The following GALNTL6 variants were observed in gnomAD, a reference collection of about 807,000 sequenced individuals.
GALNTL6 encodes polypeptide N-acetylgalactosaminyltransferase like 6.
In GALNTL6, 46 loss-of-function variants were observed where a neutral mutation model predicts 73.7. The ratio of observed to expected loss-of-function variants is 0.62; its 90% CI spans 0.49 to 0.80. The LOEUF is 0.80. GALNTL6 is among the 30% of genes least tolerant of loss of function. The probability of loss-of-function intolerance (pLI) is 0.00; values close to 1 mark genes in which losing one functional copy is unlikely to be tolerated. For synonymous variants in GALNTL6, 259 were observed against 263.7 expected, an observed-to-expected ratio of 0.98 and a Z score of 0.17; for missense variants, 604 against 755.0, an observed-to-expected ratio of 0.80 and a Z score of 2.34.
chr4:171,825,487 C>A (rs1430950506), intron 2 of GALNTL6, among the ~76,000 whole-genome samples: 1 of 152,198 alleles, frequency 6.6e-6, no homozygotes, highest in African/African-American at 2.4e-5. Context: ...ATTGTCCCCC[C>A]TCTTAACTTA....
intron 3 of GALNTL6, among the ~76,000 whole-genome samples, chr4:172,270,516 G>A (rs1180155686): frequency 6.6e-6 from 1 of 152,110 alleles, no homozygotes; most frequent in Non-Finnish European, 1.5e-5. Flanking sequence ...GCTACAGACT[G>A]TACCATACAG....
chr4:172,795,427 A>T (rs922006135), intron 5 of GALNTL6, among the ~76,000 whole-genome samples: 2 of 152,224 alleles, frequency 1.3e-5, no homozygotes, highest in Admixed American at 1.3e-4. Context: ...GCTCTCTTTC[A>T]AAAAAGAACC....
chr4:173,025,417 C>T, intron 12 of GALNTL6, among the ~76,000 whole-genome samples: 1 of 152,198 alleles, frequency 6.6e-6, no homozygotes, highest in African/African-American at 2.4e-5. Flanking sequence ...TCATTGGTCA[C>T]TAAGACTTGT....
At chr4:172,406,454 A>G (rs1744241103) in intron 5 of GALNTL6, among the ~76,000 whole-genome samples, 1 of 152,070 alleles carries the variant, frequency 6.6e-6, no homozygotes, top group South Asian at 2.1e-4. Context: ...TGATGTTTGT[A>G]TATACAAACA....
chr4:172,415,586 G>A (rs1730798611), intron 5 of GALNTL6, among the ~76,000 whole-genome samples: 1 of 152,126 alleles, frequency 6.6e-6, no homozygotes, highest in East Asian at 1.9e-4. Flanking sequence ...TTTTGTCTTT[G>A]CCATGTAGCA....
At chr4:171,818,505 A>G (rs1217980253) in intron 2 of GALNTL6, among the ~76,000 whole-genome samples, 1 of 76,950 alleles carries the variant, frequency 1.3e-5, no homozygotes, top group Admixed American at 1.7e-4. Context: ...AAATCTTAGA[A>G]TTTTAAAACA....
At chr4:172,481,014 C>T (rs1416567039) in intron 5 of GALNTL6, among the ~76,000 whole-genome samples, 2 of 152,162 alleles carry the variant, frequency 1.3e-5, no homozygotes, top group African/African-American at 4.8e-5. Context: ...TTGGTGGGTT[C>T]TTGGTCTCAC....
intron 5 of GALNTL6, among the ~76,000 whole-genome samples, chr4:172,596,083 T>C (rs965272676): frequency 4.6e-5 from 7 of 152,218 alleles, no homozygotes; most frequent in Non-Finnish European, 8.8e-5. Flanking sequence ...CTTTTCTTTT[T>C]ACTAATTTAT....
intron 5 of GALNTL6, among the ~76,000 whole-genome samples, chr4:172,438,768 C>T (rs1204327255): frequency 6.6e-6 from 1 of 151,978 alleles, no homozygotes; most frequent in Non-Finnish European, 1.5e-5. Context: ...TTTCCTTCTC[C>T]TTTACCTCTA....
In GALNTL6 at chr4:172,718,750, G is replaced by C. The variant is rs75424126; in HGVS notation, c.554-90611G>C. Among the ~76,000 whole-genome samples the C allele has an allele frequency of 1.8e-4, 27 of 152,174 alleles. No individual in the cohort carries two copies. The East Asian group carries it at 4.4e-3, about 25-fold the overall frequency. On this transcript the variant is annotated intron_variant, in intron 5 of 12. Coordinates refer to ENST00000506823, the MANE Select transcript of GALNTL6 (RefSeq NM_001034845.3). ...TAGGCAGACCCTGAGTGTTCAAAAT[G>C]GTGCATCAGAATCAGAATCTCAGGA...
intron 7 of GALNTL6, among the ~76,000 whole-genome samples, chr4:172,853,151 G>C (rs1409827661): frequency 6.6e-6 from 1 of 152,174 alleles, no homozygotes; most frequent in East Asian, 1.9e-4. Flanking sequence ...CACAGGCCAA[G>C]GTTGTAGTCC....
At chr4:172,984,317 G>A (rs1291672959) in intron 10 of GALNTL6, among the ~76,000 whole-genome samples, 1 of 152,146 alleles carries the variant, frequency 6.6e-6, no homozygotes, top group Non-Finnish European at 1.5e-5. Flanking sequence ...GGCAGCAGGA[G>A]AGAGAATAAG....
chr4:172,699,240 A>G (rs1733882759), intron 5 of GALNTL6, among the ~76,000 whole-genome samples: 2 of 152,118 alleles, frequency 1.3e-5, no homozygotes, highest in Admixed American at 1.3e-4. Context: ...GGATTTCAAC[A>G]TATGAATTCA....
chr4:172,167,820 G>A lies in GALNTL6; in HGVS notation c.139-61836G>A, dbSNP rs944588210. 3.5e-4 allele frequency among the ~76,000 whole-genome samples: 51 copies of A among 147,568 alleles called. 1 individual carries two copies. The highest frequency in any genetic ancestry group is 1.0e-3 in the African/African-American group (40 of 39,378). ...AAAAATACAAAAAAATTAGCCGGGCGCGGTGGCGGGCGCCTGTAGTCCCAG... is the reference window on the plus strand; with the variant it reads ...AAAAATACAAAAAAATTAGCCGGGCACGGTGGCGGGCGCCTGTAGTCCCAG... On this transcript the variant is annotated intron_variant, in intron 2 of 12. Coordinates refer to ENST00000506823, the MANE Select transcript of GALNTL6 (RefSeq NM_001034845.3).
chr4:172,748,141 A>G (rs1234437646), intron 5 of GALNTL6, among the ~76,000 whole-genome samples: 2 of 152,238 alleles, frequency 1.3e-5, no homozygotes, highest in Non-Finnish European at 2.9e-5. Context: ...TGTGAACTAT[A>G]TATACATTTA....
At chr4:172,103,433 A>G (rs1732578585) in intron 2 of GALNTL6, among the ~76,000 whole-genome samples, 1 of 152,186 alleles carries the variant, frequency 6.6e-6, no homozygotes, top group South Asian at 2.1e-4. Flanking sequence ...TGTTATCTTA[A>G]TGGAACTATA....
intron 2 of GALNTL6, among the ~76,000 whole-genome samples, chr4:172,069,518 A>ATCTG: frequency 2.4e-5 from 1 of 42,356 alleles, no homozygotes; most frequent in East Asian, 3.6e-4. Flanking sequence ...CATATATGTT[A>ATCTG]TATGTATAAC....
intron 2 of GALNTL6, among the ~76,000 whole-genome samples, chr4:171,831,455 A>G (rs1392239811): frequency 6.6e-6 from 1 of 152,010 alleles, no homozygotes; most frequent in Non-Finnish European, 1.5e-5. Context: ...CATCAAGCAC[A>G]TTAATTATAT....
At chr4:172,993,973 T>A (rs1203161877) in intron 10 of GALNTL6, among the ~76,000 whole-genome samples, 1 of 152,086 alleles carries the variant, frequency 6.6e-6, no homozygotes, top group Non-Finnish European at 1.5e-5. Flanking sequence ...ACCCTTCATA[T>A]CACAGTCCGA....
Sources: gnomAD v4.1 joint callset for allele counts (sites outside exome capture counted in the v4.1 genomes callset) on GRCh38, gnomAD v4.1.1 for gene constraint, MANE v1.5 for transcripts, NCBI Gene and HGNC (gene_info 2026-07-23, HGNC 2026-07-21) for gene names.